PPM1H: variants seen among roughly 807,000 people sequenced by gnomAD.
PPM1H encodes protein phosphatase, Mg2+/Mn2+ dependent 1H.
PPM1H carries 27 observed loss-of-function variants against 54.9 expected under a neutral mutation model. The observed-to-expected ratio is 0.49, with a 90% confidence interval of 0.36 to 0.68. The LOEUF is 0.68. PPM1H is among the 30% of genes least tolerant of loss of function. The pLI is 0.00. For missense variants in PPM1H, 596 were observed against 667.8 expected (o/e 0.89, Z 1.19); for synonymous variants, 305 against 270.8 (o/e 1.13, Z -1.24).
At chr12:62,670,294 T>C (rs992898075) in intron 8 of PPM1H, among the ~76,000 whole-genome samples, 1 of 152,110 alleles carries the variant, frequency 6.6e-6, no homozygotes, top group Non-Finnish European at 1.5e-5. Flanking sequence ...AGCTTCTTAT[T>C]GGGTTATACC....
intron 4 of PPM1H, among the ~76,000 whole-genome samples, chr12:62,750,508 C>T (rs537405543): frequency 2.8e-4 from 43 of 152,314 alleles, no homozygotes; most frequent in Middle Eastern, 3.4e-3. Context: ...TTTTGTTTAT[C>T]CATTCATTAG....
intron 2 of PPM1H, among the ~76,000 whole-genome samples, chr12:62,825,498 G>A (rs1361597995): frequency 2.0e-5 from 3 of 152,186 alleles, no homozygotes; most frequent in Admixed American, 2.0e-4. Flanking sequence ...GTCCATCAGT[G>A]ATAGACTGGA....
In PPM1H at chr12:62,746,048, A is replaced by G. The variant is rs141377964; in HGVS notation, c.870-8462T>C. Among the ~76,000 whole-genome samples, 6 of 152,284 alleles carry G rather than the reference A, an allele frequency of 3.9e-5. No homozygotes were observed. The East Asian group carries it at 1.2e-3, about 29-fold the overall frequency. On this transcript the variant is annotated intron_variant, in intron 4 of 9. Coordinates refer to ENST00000228705, the MANE Select transcript of PPM1H (RefSeq NM_020700.2). ...TCTCTACAAAAAAATAGAAAAAATTAGCCAGGCGTTGTGGTACATGCCCAT... is the reference window on the plus strand; with the variant it reads ...TCTCTACAAAAAAATAGAAAAAATTGGCCAGGCGTTGTGGTACATGCCCAT...
chr12:62,826,493 C>T (rs1384634070), intron 2 of PPM1H, among the ~76,000 whole-genome samples: 1 of 152,102 alleles, frequency 6.6e-6, no homozygotes, highest in Non-Finnish European at 1.5e-5. Context: ...CATATTGCCA[C>T]TCAATATAAG....
chr12:62,800,093 C>A (rs1418278683), intron 3 of PPM1H, among the ~76,000 whole-genome samples: 1 of 152,178 alleles, frequency 6.6e-6, no homozygotes, highest in Non-Finnish European at 1.5e-5. Context: ...AAAGAAGGGA[C>A]ACGTTTAAAT....
chr12:62,794,609 T>C (rs765775432), intron 3 of PPM1H, among the ~76,000 whole-genome samples: 1 of 152,164 alleles, frequency 6.6e-6, no homozygotes, highest in Non-Finnish European at 1.5e-5. Flanking sequence ...TCAAATCCCA[T>C]AGTTAACAGG....
At chr12:62,804,068 A>G (rs2076789349) in intron 2 of PPM1H, among the ~76,000 whole-genome samples, 1 of 152,204 alleles carries the variant, frequency 6.6e-6, no homozygotes, top group African/African-American at 2.4e-5. Context: ...ATCATATTTC[A>G]TGGTGAAATA....
At chr12:62,713,895 G>A (rs771857025) in intron 6 of PPM1H, among the ~76,000 whole-genome samples, 1 of 152,068 alleles carries the variant, frequency 6.6e-6, no homozygotes, top group Non-Finnish European at 1.5e-5. Context: ...TTGAGCCCGG[G>A]AGGTTGAGGC....
At chr12:62,685,983 T>G (rs768959049) in intron 8 of PPM1H, among the ~76,000 whole-genome samples, 21 of 152,254 alleles carry the variant, frequency 1.4e-4, no homozygotes, top group Non-Finnish European at 2.6e-4. Flanking sequence ...ACTGCCACAC[T>G]TTATTCAACT....
chr12:62,814,264 G>T (rs1167617633), intron 2 of PPM1H, among the ~76,000 whole-genome samples: 1 of 152,054 alleles, frequency 6.6e-6, no homozygotes, highest in African/African-American at 2.4e-5. Flanking sequence ...TTTTATTTTT[G>T]TAGAGATGAG....
At chr12:62,705,007 C>T (rs2076165199) in intron 6 of PPM1H, among the ~76,000 whole-genome samples, 1 of 152,204 alleles carries the variant, frequency 6.6e-6, no homozygotes, top group Non-Finnish European at 1.5e-5. Flanking sequence ...CAAGAGGCAA[C>T]AGAGATTGCT....
At chr12:62,819,190 C>T (rs746787128) in intron 2 of PPM1H, among the ~76,000 whole-genome samples, 28 of 141,046 alleles carry the variant, frequency 2.0e-4, no homozygotes, top group Admixed American at 7.5e-4. Flanking sequence ...AGTGCAGTGG[C>T]GTGATCTCAG....
chr12:62,888,212 T>TGG (rs1870660272), intron 1 of PPM1H, among the ~76,000 whole-genome samples: 1 of 152,096 alleles, frequency 6.6e-6, no homozygotes, highest in Non-Finnish European at 1.5e-5. Flanking sequence ...CTTCATCAAC[T>TGG]AGGTGGATGG....
At position 62,689,780 on chromosome 12, in the gene PPM1H, C is replaced by T; in HGVS notation, c.1164G>A (p.Val388=). The change falls in exon 8 of 10, where the codon GTG becomes GTA. Residue 388 remains valine (V), a synonymous_variant. Transcript: ENST00000228705. The part of the protein sequence containing the change: ...KKARVMATIG[V]TRGLGDHDLK... Reference sequence around the variant, plus strand: ...GGTCATGGTCCCCAAGTCCCCTGGTCACTCCAATAGTTGCCATTACCCGGG... The same window carrying T: ...GGTCATGGTCCCCAAGTCCCCTGGTTACTCCAATAGTTGCCATTACCCGGG... 6.2e-7 allele frequency: 1 copy of T among 1,613,564 alleles called. No individual in the cohort carries two copies. The highest frequency in any genetic ancestry group is 8.5e-7 in the Non-Finnish European group (1 of 1,179,710).
At chr12:62,773,649 T>A (rs1165824637) in intron 4 of PPM1H, among the ~76,000 whole-genome samples, 4 of 152,156 alleles carry the variant, frequency 2.6e-5, no homozygotes, top group African/African-American at 9.7e-5. Flanking sequence ...AGGGTTGGGC[T>A]TTGAAGAGTG....
intron 6 of PPM1H, among the ~76,000 whole-genome samples, chr12:62,701,412 A>G (rs2076143338): frequency 2.0e-5 from 3 of 152,174 alleles, no homozygotes; most frequent in Admixed American, 2.0e-4. Context: ...CTTCTCCACC[A>G]TAAACATACT....
chr12:62,693,217 C>T (rs957409943), intron 7 of PPM1H, among the ~76,000 whole-genome samples: 1 of 152,182 alleles, frequency 6.6e-6, no homozygotes, highest in Admixed American at 6.5e-5. Flanking sequence ...TTTCAACCTC[C>T]TCCAGGCCTC....
rs181823255 is a variant in PPM1H at position 62,884,912 on chromosome 12, T to C, written c.245+49580A>G. On this transcript the variant is annotated intron_variant, in intron 1 of 9. Coordinates refer to ENST00000228705, the MANE Select transcript of PPM1H (RefSeq NM_020700.2). ...AACTCAGTTCCTTGCAGCTGCAGTA[T>C]TGAGGGTGTATTAGTCTATTTTCAT... 1.4e-4 allele frequency among the ~76,000 whole-genome samples: 21 copies of C among 152,252 alleles called. 1 individual carries two copies. In the East Asian group the frequency reaches 3.7e-3, roughly 27 times the overall value.
chr12:62,823,362 G>C (rs960065328), intron 2 of PPM1H, among the ~76,000 whole-genome samples: 2 of 152,116 alleles, frequency 1.3e-5, no homozygotes, highest in African/African-American at 2.4e-5. Context: ...CCAATCAATA[G>C]AAAAAGAGGG....
Sources: allele counts gnomAD v4.1 joint callset (sites outside exome capture counted in the v4.1 genomes callset), GRCh38; gene constraint gnomAD v4.1.1; transcripts MANE v1.5; gene names NCBI Gene and HGNC (gene_info 2026-07-23, HGNC 2026-07-21).